The following THADA variants were observed in gnomAD, a reference collection of about 807,000 sequenced individuals.
THADA encodes tRNA (32-2'-O)-methyltransferase regulator THADA.
A neutral mutation model predicts 219.8 loss-of-function variants in THADA; 213 were observed. The observed-to-expected ratio is 0.97, with a 90% CI of 0.87 to 1.09. The LOEUF (loss-of-function observed/expected upper bound fraction) is 1.09. THADA is among the 50% of genes least tolerant of loss of function. THADA has a pLI of 0.00. For missense variants in THADA, 2,956 were observed against 2,311.3 expected (o/e 1.28, Z -5.72); for synonymous variants, 1,018 against 828.9 (o/e 1.23, Z -3.92).
intron 26 of THADA, among the ~76,000 whole-genome samples, chr2:43,454,295 A>G (rs1682717960): frequency 6.6e-6 from 1 of 152,192 alleles, no homozygotes; most frequent in African/African-American, 2.4e-5. Context: ...GACCTTTTCT[A>G]TGCACATATA....
intron 29 of THADA, among the ~76,000 whole-genome samples, chr2:43,344,530 T>C (rs760735605): frequency 3.9e-4 from 60 of 152,226 alleles, no homozygotes; most frequent in Non-Finnish European, 5.9e-5. Context: ...AAACAACCTA[T>C]ACACTGATTT....
At chr2:43,412,985 G>A (rs973568095) in intron 28 of THADA, among the ~76,000 whole-genome samples, 2 of 152,122 alleles carry the variant, frequency 1.3e-5, no homozygotes, top group Non-Finnish European at 2.9e-5. Context: ...ATAGGCATGA[G>A]TGCATGAGTT....
At chr2:43,560,140 G>T in intron 16 of THADA, 94 bp downstream of exon 16, 1 of 1,072,608 alleles carries the variant, frequency 9.3e-7, no homozygotes, top group Non-Finnish European at 1.3e-6. Context: ...TGAGCAGGCA[G>T]ATGCAAAGCA....
At chr2:43,429,434 C>T (rs770355753) in intron 27 of THADA, among the ~76,000 whole-genome samples, 1 of 152,048 alleles carries the variant, frequency 6.6e-6, no homozygotes, top group Admixed American at 6.6e-5. Context: ...CAATGGTGAA[C>T]TATAAGACTG....
intron 22 of THADA, among the ~76,000 whole-genome samples, chr2:43,509,135 A>T (rs1012849874): frequency 6.6e-6 from 1 of 152,222 alleles, no homozygotes. Context: ...ATAAGTTTAT[A>T]GTTTACTATA....
rs200036949 is a variant in THADA at position 43,245,172 on chromosome 2, C to CTTTTTT, written c.5297-12296_5297-12291dup. 7.2e-4 allele frequency among the ~76,000 whole-genome samples: 74 copies of CTTTTTT among 103,036 alleles called. 2 individuals are homozygous for CTTTTTT. Among genetic ancestry groups the CTTTTTT allele is most frequent in the African/African-American group, 2.9e-3 (58 of 19,960 alleles). The allele number at this position is 103,036 out of a possible 152,430, so 67.6% of individuals were successfully genotyped here. On this transcript the variant is annotated intron_variant, in intron 36 of 37. Coordinates refer to ENST00000405975, the MANE Select transcript of THADA (RefSeq NM_022065.5). ...TACTGGAGCTTCTTTCTTTCTTCTTCTTTTTTTTTTTTTTTTTTGAGACGG... is the reference window on the plus strand; with the variant it reads ...TACTGGAGCTTCTTTCTTTCTTCTTCTTTTTTTTTTTTTTTTTTTTTTTTGAGACGG...
At chr2:43,566,852 ATAATT>A in intron 14 of THADA, 31 bp from the exon 15 acceptor site, 1 of 1,377,156 alleles carries the variant, frequency 7.3e-7, no homozygotes, top group Non-Finnish European at 9.6e-7. Context: ...TACAGTAAGT[ATAATT>A]ACGTCACAAT....
rs910077873 is a variant in THADA at position 43,505,657 on chromosome 2, C to G, written c.3586G>C (p.Gly1196Arg). The G allele has an allele frequency of 6.3e-7, 1 of 1,597,474 alleles. No homozygotes were observed. The highest frequency in any genetic ancestry group is 1.3e-5 in the African/African-American group (1 of 74,914). ...GTACTCTGTATGTCATCTGTAGGCC[C>G]AGCCAAAGAGATTAACTCTTTCATT... The part of the protein sequence containing the change: ...ITMKELISLA[G>R]PTDDIQSTVP... The change falls in exon 24 of 38, where the codon GGG becomes CGG. Residue 1196 changes from glycine to arginine, a missense_variant. By Grantham distance (125) the Gly-to-Arg change is moderately radical. Coordinates refer to ENST00000405975, the MANE Select transcript of THADA (RefSeq NM_022065.5).
chr2:43,413,459 G>A (rs946475043), intron 28 of THADA, among the ~76,000 whole-genome samples: 5 of 152,108 alleles, frequency 3.3e-5, no homozygotes, highest in Non-Finnish European at 5.9e-5. Flanking sequence ...AATTTAATAC[G>A]GTCAAGAAAT....
chr2:43,573,088 CAATA>C (rs1422579250), intron 11 of THADA, 96 bp from the exon 12 acceptor site: 2 of 1,002,944 alleles, frequency 2.0e-6, no homozygotes, highest in African/African-American at 3.4e-5. Context: ...CATTTTATTT[CAATA>C]AATAAAAATC....
At chr2:43,537,371 T>C (rs1694743354) in intron 21 of THADA, among the ~76,000 whole-genome samples, 1 of 152,218 alleles carries the variant, frequency 6.6e-6, no homozygotes, top group Admixed American at 6.5e-5. Context: ...ACTTCTTTAT[T>C]TTCCCACGAT....
chr2:43,263,330 A>G lies in THADA; in HGVS notation c.5296+16435T>C, dbSNP rs1572827738. ...ACTTTCTCCTTCAGCCTACCCTCAT[A>G]TCTGGGATGGCCATGTACCTGACCT... On this transcript the variant is annotated intron_variant, in intron 36 of 37. Transcript: ENST00000405975. Among the ~76,000 whole-genome samples, 3 of 151,820 alleles carry G rather than the reference A, an allele frequency of 2.0e-5. 1 individual carries two copies. Among genetic ancestry groups the G allele is most frequent in the Admixed American group, 2.0e-4 (3 of 15,246 alleles).
intron 36 of THADA, among the ~76,000 whole-genome samples, chr2:43,249,462 C>T (rs553355138): frequency 6.6e-6 from 1 of 152,302 alleles, no homozygotes; most frequent in African/African-American, 2.4e-5. Context: ...TCCCTGTGGT[C>T]AGGGTGACCT....
At chr2:43,533,396 C>T (rs1166148744) in intron 21 of THADA, among the ~76,000 whole-genome samples, 4 of 152,146 alleles carry the variant, frequency 2.6e-5, no homozygotes, top group Non-Finnish European at 5.9e-5. Context: ...TGGGTATGTA[C>T]CCAAAGGATT....
At chr2:43,232,094 G>A (rs1489361559) in intron 37 of THADA, among the ~76,000 whole-genome samples, 2 of 152,200 alleles carry the variant, frequency 1.3e-5, no homozygotes, top group Admixed American at 1.3e-4. Context: ...ACTTTGGGAA[G>A]CCCCAGGCTA....
At chr2:43,368,701 C>T (rs1428982580) in intron 29 of THADA, among the ~76,000 whole-genome samples, 1 of 152,018 alleles carries the variant, frequency 6.6e-6, no homozygotes, top group African/African-American at 2.4e-5. Flanking sequence ...GTGCTCGGCC[C>T]ACAGCACTTT....
chr2:43,404,953 A>C (rs1045435329), intron 28 of THADA, among the ~76,000 whole-genome samples: 54 of 152,254 alleles, frequency 3.5e-4, no homozygotes, highest in African/African-American at 1.3e-3. Flanking sequence ...TTTGAAAATA[A>C]AACCTTTATA....
chr2:43,374,417 A>T (rs1006657421), intron 29 of THADA, among the ~76,000 whole-genome samples: 1 of 152,204 alleles, frequency 6.6e-6, no homozygotes, highest in East Asian at 1.9e-4. Flanking sequence ...CGTTATGAGG[A>T]TTCAATCAGC....
At chr2:43,305,646 AAC>A (rs1286057377) in intron 31 of THADA, among the ~76,000 whole-genome samples, 10 of 152,098 alleles carry the variant, frequency 6.6e-5, no homozygotes, top group African/African-American at 2.4e-4. Flanking sequence ...ATAAAATCAA[AAC>A]ACAGCCCCTC....
Sources: gnomAD v4.1 joint callset for allele counts (sites outside exome capture counted in the v4.1 genomes callset) on GRCh38, gnomAD v4.1.1 for gene constraint, MANE v1.5 for transcripts, NCBI Gene and HGNC (gene_info 2026-07-23, HGNC 2026-07-21) for gene names.